The following ARHGAP42 variants were observed in gnomAD, a reference collection of about 807,000 sequenced individuals.
ARHGAP42 encodes the protein rho GTPase-activating protein 42.
In ARHGAP42, 63 loss-of-function variants were observed where a neutral mutation model predicts 125.0. That is an observed-to-expected ratio of 0.50 (90% confidence interval 0.41 to 0.62). The LOEUF is 0.62. Among genes scored for constraint, ARHGAP42 ranks in the 20% least tolerant of loss-of-function variants. The pLI, the probability that ARHGAP42 is intolerant of heterozygous loss-of-function variation, is 0.00. For missense variants in ARHGAP42, 766 were observed against 1,024.2 expected, an observed-to-expected ratio of 0.75 and a Z score of 3.44; for synonymous variants, 339 against 351.0, an observed-to-expected ratio of 0.97 and a Z score of 0.38.
intron 4 of ARHGAP42, among the ~76,000 whole-genome samples, chr11:100,903,155 A>ACACACACACACACC (rs1236722352): frequency 6.0e-5 from 9 of 151,004 alleles, no homozygotes; most frequent in Non-Finnish European, 8.9e-5. Context: ...ACACACACAC[A>ACACACACACACACC]CCAAGCTTTA....
At chr11:100,956,362 A>G in intron 12 of ARHGAP42, among the ~76,000 whole-genome samples, 1 of 152,118 alleles carries the variant, frequency 6.6e-6, no homozygotes, top group East Asian at 1.9e-4. Flanking sequence ...TCTTCTTTAT[A>G]GTACATGTCC....
chr11:100,840,630 A>T (rs866991539), intron 3 of ARHGAP42: 47 of 152,318 alleles, frequency 3.1e-4, no homozygotes, highest in African/African-American at 1.0e-3. Context: ...GACACTTAGA[A>T]GGGTTAAAAG....
intron 19 of ARHGAP42, among the ~76,000 whole-genome samples, chr11:100,974,827 G>T (rs367927714): frequency 6.6e-6 from 1 of 152,012 alleles, no homozygotes; most frequent in Non-Finnish European, 1.5e-5. Context: ...AGGGCTCAAG[G>T]CCCTTTTTTC....
intron 6 of ARHGAP42, among the ~76,000 whole-genome samples, chr11:100,929,575 C>T (rs138451631): frequency 2.0e-5 from 3 of 152,282 alleles, no homozygotes; most frequent in African/African-American, 7.2e-5. Context: ...CACACACTTG[C>T]TATTATCTCA....
chr11:100,930,916 A>G (rs1318117980), intron 6 of ARHGAP42, among the ~76,000 whole-genome samples: 1 of 152,102 alleles, frequency 6.6e-6, no homozygotes, highest in African/African-American at 2.4e-5. Context: ...TAGAATACAC[A>G]TTGACATTCC....
At chr11:100,741,235 C>T (rs926860511) in intron 1 of ARHGAP42, among the ~76,000 whole-genome samples, 1 of 152,002 alleles carries the variant, frequency 6.6e-6, no homozygotes, top group African/African-American at 2.4e-5. Flanking sequence ...TTCACCATAT[C>T]GGCGAGGCTG....
intron 1 of ARHGAP42, among the ~76,000 whole-genome samples, chr11:100,749,724 C>T (rs1471611517): frequency 1.3e-5 from 2 of 152,158 alleles, no homozygotes; most frequent in African/African-American, 2.4e-5. Context: ...GCTACAGAAC[C>T]ACAGAGAGGA....
At chr11:100,732,369 A>T (rs1480681680) in intron 1 of ARHGAP42, among the ~76,000 whole-genome samples, 2 of 152,150 alleles carry the variant, frequency 1.3e-5, no homozygotes, top group Non-Finnish European at 2.9e-5. Flanking sequence ...TTTTGAATGG[A>T]TGATGATTGA....
intron 1 of ARHGAP42, among the ~76,000 whole-genome samples, chr11:100,735,187 T>C (rs1009486647): frequency 2.0e-5 from 3 of 152,190 alleles, no homozygotes; most frequent in Non-Finnish European, 2.9e-5. Flanking sequence ...CTTGCTCTGA[T>C]TTTTTCCAGT....
chr11:100,980,559 C>CT lies in ARHGAP42; in HGVS notation c.2456+1540dup, dbSNP rs763302463. ...TCAAATCATACTTCTTTTTCTTCTTCTTTTTTTTTTTTTTTTTTTTTTTTT... is the reference window on the plus strand; with the variant it reads ...TCAAATCATACTTCTTTTTCTTCTTCTTTTTTTTTTTTTTTTTTTTTTTTTT... On this transcript the variant is annotated intron_variant, in intron 22 of 23. Coordinates refer to ENST00000298815, the MANE Select transcript of ARHGAP42 (RefSeq NM_152432.4). Among the ~76,000 whole-genome samples the CT allele has an allele frequency of 6.2e-3, 321 of 51,952 alleles. 17 individuals carry two copies. The highest frequency in any genetic ancestry group is 8.4e-3 in the Non-Finnish European group (219 of 26,032). The allele number at this position is 51,952 out of a possible 152,430, so 34.1% of individuals were successfully genotyped here.
chr11:100,955,954 C>G (rs1857793827), intron 12 of ARHGAP42, among the ~76,000 whole-genome samples: 1 of 152,120 alleles, frequency 6.6e-6, no homozygotes, highest in African/African-American at 2.4e-5. Context: ...CCACTGACTT[C>G]CCTCAGAAAT....
At chr11:100,868,626 C>T (rs1308512430) in intron 4 of ARHGAP42, among the ~76,000 whole-genome samples, 1 of 150,318 alleles carries the variant, frequency 6.7e-6, no homozygotes, top group Admixed American at 6.7e-5. Context: ...AGAAGATATT[C>T]CTCTTCTTCT....
chr11:100,903,483 G>A (rs928679684), intron 4 of ARHGAP42, among the ~76,000 whole-genome samples: 4 of 151,066 alleles, frequency 2.6e-5, no homozygotes, highest in African/African-American at 9.7e-5. Context: ...ATTCACCCAG[G>A]GTGATTTTCC....
At chr11:100,881,228 T>G (rs767592046) in intron 4 of ARHGAP42, among the ~76,000 whole-genome samples, 1 of 152,214 alleles carries the variant, frequency 6.6e-6, no homozygotes, top group Non-Finnish European at 1.5e-5. Context: ...GGTCCTAGAT[T>G]TAAGTCCTTC....
At position 100,739,857 on chromosome 11, in the gene ARHGAP42, C is replaced by T. The variant is rs555912288; in HGVS notation, c.155-30486C>T. Among the ~76,000 whole-genome samples the T allele has an allele frequency of 2.0e-5, 3 of 152,244 alleles. No homozygotes were observed. The South Asian group carries it at 6.2e-4, about 32-fold the overall frequency. On this transcript the variant is annotated intron_variant, in intron 1 of 23. Transcript: ENST00000298815. ...GATAACCGCATTCATTCCTGACATA[C>T]CCCACCCCCAACACACACAACTGCT...
chr11:100,715,585 T>C (rs1431888168), intron 1 of ARHGAP42, among the ~76,000 whole-genome samples: 1 of 152,178 alleles, frequency 6.6e-6, no homozygotes, highest in Non-Finnish European at 1.5e-5. Flanking sequence ...ACAAGACTCA[T>C]CCTTGGCGTA....
At chr11:100,691,761 C>T (rs886982277) in intron 1 of ARHGAP42, among the ~76,000 whole-genome samples, 6 of 152,024 alleles carry the variant, frequency 3.9e-5, no homozygotes, top group Admixed American at 2.0e-4. Flanking sequence ...TGGGTTCAAG[C>T]GATCTGCCTG....
At chr11:100,947,047 C>G (rs1418140817) in intron 10 of ARHGAP42, among the ~76,000 whole-genome samples, 1 of 151,822 alleles carries the variant, frequency 6.6e-6, no homozygotes, top group African/African-American at 2.4e-5. Flanking sequence ...TTTTAAGATC[C>G]ACTTACTAAG....
chr11:100,696,103 A>G (rs907539146), intron 1 of ARHGAP42, among the ~76,000 whole-genome samples: 15 of 152,096 alleles, frequency 9.9e-5, no homozygotes, highest in African/African-American at 3.6e-4. Context: ...GCGTGCCTGT[A>G]GTCCCAGCTC....
Sources: gnomAD v4.1 joint callset for allele counts (sites outside exome capture counted in the v4.1 genomes callset) on GRCh38, gnomAD v4.1.1 for gene constraint, MANE v1.5 for transcripts, NCBI Gene and HGNC (gene_info 2026-07-23, HGNC 2026-07-21) for gene names.